The following SGSM1 variants were observed in gnomAD, a reference collection of about 807,000 sequenced individuals.
SGSM1 encodes small G protein signaling modulator 1.
SGSM1 carries 73 observed loss-of-function variants against 133.8 expected under a neutral mutation model. That is an observed-to-expected ratio of 0.55 (90% confidence interval 0.45 to 0.66). The LOEUF (loss-of-function observed/expected upper bound fraction) is 0.66, where lower values mean the gene tolerates loss of function less well. SGSM1 is among the 30% of genes least tolerant of loss of function. The pLI, the probability that SGSM1 is intolerant of heterozygous loss-of-function variation, is 0.00. For missense variants in SGSM1, 1,213 were observed against 1,448.1 expected (o/e 0.84, Z 2.64); for synonymous variants, 563 against 573.0 (o/e 0.98, Z 0.25).
chr22:24,806,689 G>C, intron 2 of SGSM1, among the ~76,000 whole-genome samples: 1 of 151,946 alleles, frequency 6.6e-6, no homozygotes, highest in East Asian at 1.9e-4. Context: ...GGGAGGCTTT[G>C]GCCCATTTGA....
intron 22 of SGSM1, among the ~76,000 whole-genome samples, chr22:24,916,710 T>A (rs910461865): frequency 5.9e-5 from 9 of 151,838 alleles, no homozygotes; most frequent in South Asian, 4.2e-4. Flanking sequence ...AAAAAAAAAA[T>A]TTGTTTTTAT....
intron 2 of SGSM1, among the ~76,000 whole-genome samples, chr22:24,838,514 G>A (rs2877251): frequency 0.33 from 50,199 of 152,102 alleles, 8,607 homozygotes; most frequent in East Asian, 0.41. Flanking sequence ...AGGCCTGAAG[G>A]ACCTTCTCTG....
chr22:24,810,245 G>A (rs142649075), intron 2 of SGSM1, among the ~76,000 whole-genome samples: 216 of 152,064 alleles, frequency 1.4e-3, no homozygotes, highest in African/African-American at 4.9e-3. Flanking sequence ...GTGGGTTTCC[G>A]TTTATTCATA....
intron 2 of SGSM1, among the ~76,000 whole-genome samples, chr22:24,816,413 C>CTTT (rs1479240071): frequency 2.6e-5 from 3 of 116,466 alleles, no homozygotes; most frequent in Admixed American, 1.1e-4. Context: ...TCTTTTTTTT[C>CTTT]TTTCTTTTTT....
At chr22:24,811,651 A>G (rs116638707) in intron 2 of SGSM1, among the ~76,000 whole-genome samples, 3,230 of 152,082 alleles carry the variant, frequency 0.021, 116 homozygotes, top group African/African-American at 0.074. Flanking sequence ...TGATCACTTC[A>G]GGCTTGGAGT....
intron 12 of SGSM1, among the ~76,000 whole-genome samples, chr22:24,873,179 C>A (rs546068054): frequency 2.4e-4 from 37 of 152,080 alleles, no homozygotes; most frequent in African/African-American, 7.2e-4. Context: ...CTAGGCTGGA[C>A]TTGGAACTCC....
In SGSM1 at chr22:24,924,715, T is replaced by G. The variant is rs1314551460; in HGVS notation, c.*441T>G. 1 of 179,478 alleles carries G rather than the reference T, an allele frequency of 5.6e-6. No individual in the cohort carries two copies. Among genetic ancestry groups the G allele is most frequent in the Non-Finnish European group, 1.2e-5 (1 of 84,622 alleles). The allele number at this position is 179,478 out of a possible 1,614,324, so 11.1% of individuals were successfully genotyped here. ...TCTATGCTCCTCTGCAAGGGGCCTT[T>G]GGCGATGTTCTGGACATGGCTGAAG... is the stretch of plus-strand genomic sequence containing the variant. On this transcript the variant is annotated 3_prime_UTR_variant, in exon 25 of 25. Transcript: ENST00000400358.
chr22:24,835,044 C>T (rs959041229), intron 2 of SGSM1, among the ~76,000 whole-genome samples: 3 of 152,152 alleles, frequency 2.0e-5, no homozygotes, highest in African/African-American at 4.8e-5. Context: ...GCCTCCTCCC[C>T]CTCCTTTCCT....
At chr22:24,849,252 A>T (rs1457323716) in intron 4 of SGSM1, among the ~76,000 whole-genome samples, 1 of 151,962 alleles carries the variant, frequency 6.6e-6, no homozygotes, top group African/African-American at 2.4e-5. Context: ...TTTATTAAAA[A>T]AAAAAAAAAA....
intron 9 of SGSM1, among the ~76,000 whole-genome samples, chr22:24,861,565 T>G (rs966605016): frequency 6.6e-6 from 1 of 151,836 alleles, no homozygotes; most frequent in South Asian, 2.1e-4. Context: ...TTCATTTTTT[T>G]GAGACACTGC....
Position 24,855,449 on chromosome 22 carries a change from G to A in SGSM1, c.669+19G>A. 6.2e-7 allele frequency: 1 copy of A among 1,613,338 alleles called. No individual in the cohort carries two copies. Among genetic ancestry groups the A allele is most frequent in the Non-Finnish European group, 8.5e-7 (1 of 1,179,760 alleles). ...CCTCTGTGTGAGTGGGGTGGACAGTGGGGCAGTGGGAGGGACCTTACATGA... is the reference window on the plus strand; with the variant it reads ...CCTCTGTGTGAGTGGGGTGGACAGTAGGGCAGTGGGAGGGACCTTACATGA... On this transcript the variant is annotated intron_variant, in intron 7 of 24. Transcript: ENST00000400358.
At chr22:24,834,859 C>A (rs1253523843) in intron 2 of SGSM1, among the ~76,000 whole-genome samples, 1 of 151,460 alleles carries the variant, frequency 6.6e-6, no homozygotes, top group Admixed American at 6.6e-5. Flanking sequence ...GGCCCTGGAT[C>A]TTCCTGGTTA....
chr22:24,897,626 C>T (rs1034291462), intron 18 of SGSM1, among the ~76,000 whole-genome samples: 8 of 151,044 alleles, frequency 5.3e-5, no homozygotes, highest in African/African-American at 2.0e-4. Context: ...TGCCACCATA[C>T]CAGGCTAATT....
At chr22:24,864,184 G>A (rs766041610) in intron 9 of SGSM1, among the ~76,000 whole-genome samples, 2 of 152,122 alleles carry the variant, frequency 1.3e-5, no homozygotes, top group Admixed American at 6.6e-5. Context: ...ACTTGCCTCC[G>A]ATCTCAGCCC....
chr22:24,881,045 T>C lies in SGSM1; in HGVS notation c.1495+1519T>C, dbSNP rs544364109. On this transcript the variant is annotated intron_variant, in intron 14 of 24. Transcript: ENST00000400358. ...GTCTCTACTAAAAATACAAAAAAAT[T>C]GGCCGGGCATGGTGGCACACGCCTG... Among the ~76,000 whole-genome samples, 3 of 149,590 alleles carry C rather than the reference T, an allele frequency of 2.0e-5. No individual in the cohort carries two copies. In the South Asian group the frequency reaches 6.4e-4, roughly 32 times the overall value.
chr22:24,918,968 T>A (rs8140937), intron 23 of SGSM1, among the ~76,000 whole-genome samples: 2 of 150,578 alleles, frequency 1.3e-5, no homozygotes, highest in Admixed American at 1.3e-4. Context: ...CTCAAACTCC[T>A]GACCTCAGGT....
intron 24 of SGSM1, among the ~76,000 whole-genome samples, chr22:24,920,318 G>A (rs1933960342): frequency 6.6e-6 from 1 of 152,160 alleles, no homozygotes; most frequent in African/African-American, 2.4e-5. Flanking sequence ...CTGTGAAATG[G>A]GCTAGCAGTG....
chr22:24,877,192 A>G (rs1367076439), intron 13 of SGSM1, among the ~76,000 whole-genome samples: 1 of 152,248 alleles, frequency 6.6e-6, no homozygotes, highest in Non-Finnish European at 1.5e-5. Flanking sequence ...CAGTAAGTGC[A>G]GCCCTACCAT....
intron 9 of SGSM1, 88 bp downstream of exon 9, chr22:24,859,928 T>C (rs1260455550): frequency 6.4e-7 from 1 of 1,553,980 alleles, no homozygotes; most frequent in Non-Finnish European, 8.8e-7. Context: ...GGGAGGTTTG[T>C]ATCCCGCCCC....
Sources: allele counts gnomAD v4.1 joint callset (sites outside exome capture counted in the v4.1 genomes callset), GRCh38; gene constraint gnomAD v4.1.1; transcripts MANE v1.5; gene names NCBI Gene and HGNC (gene_info 2026-07-23, HGNC 2026-07-21).